The following USP34 variants were observed in gnomAD, a reference collection of about 807,000 sequenced individuals.
The protein encoded by USP34 is ubiquitin carboxyl-terminal hydrolase 34.
Under a neutral mutation model 460.3 loss-of-function variants are expected in USP34, and 70 were observed. That is an observed-to-expected ratio of 0.15 (90% confidence interval 0.13 to 0.19). The LOEUF is 0.19. Ranked by LOEUF, USP34 falls within the 10% of genes least tolerant of loss-of-function variation. USP34 has a pLI of 1.00. For synonymous variants in USP34, 1,647 were observed against 1,405.3 expected (o/e 1.17, Z -3.85); for missense variants, 3,985 against 4,236.2 (o/e 0.94, Z 1.65).
At chr2:61,283,952 G>T (rs1260639595) in intron 35 of USP34, among the ~76,000 whole-genome samples, 1 of 152,218 alleles carries the variant, frequency 6.6e-6, no homozygotes, top group Admixed American at 6.5e-5. Flanking sequence ...GGGTGGGGCA[G>T]AGGGTATAAG....
intron 5 of USP34, among the ~76,000 whole-genome samples, chr2:61,391,896 G>T (rs2103894059): frequency 6.6e-6 from 1 of 152,174 alleles, no homozygotes; most frequent in South Asian, 2.1e-4. Flanking sequence ...TTACTCCATT[G>T]AGTTATTATT....
chr2:61,374,166 A>G (rs1276885154), intron 8 of USP34, among the ~76,000 whole-genome samples: 2 of 151,402 alleles, frequency 1.3e-5, no homozygotes, highest in Non-Finnish European at 1.5e-5. Context: ...AGGGAAAAAA[A>G]AAAAAAAAAA....
intron 33 of USP34, among the ~76,000 whole-genome samples, chr2:61,291,167 G>A (rs1443355059): frequency 6.6e-6 from 1 of 152,084 alleles, no homozygotes; most frequent in Non-Finnish European, 1.5e-5. Flanking sequence ...TTACTCCAAA[G>A]ATAAACAAGT....
intron 32 of USP34, among the ~76,000 whole-genome samples, chr2:61,294,059 CTT>C (rs1447213537): frequency 6.6e-6 from 1 of 151,518 alleles, no homozygotes; most frequent in African/African-American, 2.4e-5. Context: ...AAAATATACA[CTT>C]GAGGCCAGGC....
At chr2:61,275,612 T>C (rs560251607) in intron 41 of USP34, among the ~76,000 whole-genome samples, 3 of 134,048 alleles carry the variant, frequency 2.2e-5, no homozygotes, top group South Asian at 2.4e-4. Flanking sequence ...AAGGAGACCC[T>C]GTCCCTTTTT....
chr2:61,249,584 TAC>T lies in USP34; in HGVS notation c.6222-903_6222-902del, dbSNP rs1270502819. 1.2e-4 allele frequency among the ~76,000 whole-genome samples: 18 copies of T among 152,274 alleles called. No homozygotes were observed. The East Asian group carries it at 3.5e-3, about 29-fold the overall frequency. On this transcript the variant is annotated intron_variant, in intron 48 of 79. Coordinates refer to ENST00000398571, the MANE Select transcript of USP34 (RefSeq NM_014709.4). Reference sequence around the variant, plus strand: ...CTAAATCACATTCTTATTAAAACTATACAGTCAGTCCCTGAGCACTAGGCAGC... The same window carrying T: ...CTAAATCACATTCTTATTAAAACTATAGTCAGTCCCTGAGCACTAGGCAGC...
At chr2:61,470,430 C>T (rs1695918063) in intron 1 of USP34, among the ~76,000 whole-genome samples, 1 of 150,600 alleles carries the variant, frequency 6.6e-6, no homozygotes, top group Non-Finnish European at 1.5e-5. Flanking sequence ...CGAGCCGGAG[C>T]TCCGCGGCGG....
At chr2:61,465,612 G>T (rs771105544) in intron 1 of USP34, among the ~76,000 whole-genome samples, 1 of 152,152 alleles carries the variant, frequency 6.6e-6, no homozygotes, top group Non-Finnish European at 1.5e-5. Context: ...GGAGGCTGAG[G>T]CAGGAGAATG....
Position 61,212,479 on chromosome 2 carries a change from G to A in USP34, c.8683-550C>T, listed in dbSNP as rs78658763. 4.6e-5 allele frequency among the ~76,000 whole-genome samples: 7 copies of A among 152,218 alleles called. No homozygotes were observed. In the East Asian group the frequency reaches 1.4e-3, roughly 29 times the overall value. Reference sequence around the variant, plus strand: ...ACCCTTAAATTAATAGTGTATATGAGGTAAACCTTTGTTCCAACATTTAAA... The same window carrying A: ...ACCCTTAAATTAATAGTGTATATGAAGTAAACCTTTGTTCCAACATTTAAA... On this transcript the variant is annotated intron_variant, in intron 68 of 79. Coordinates refer to ENST00000398571, the MANE Select transcript of USP34 (RefSeq NM_014709.4).
chr2:61,311,977 T>A, intron 25 of USP34, 67 bp from the exon 26 acceptor site: 1 of 1,560,224 alleles, frequency 6.4e-7, no homozygotes, highest in Non-Finnish European at 8.6e-7. Context: ...TTACGCAAAT[T>A]TTTATCATCT....
intron 15 of USP34, among the ~76,000 whole-genome samples, 171 bp from the exon 16 acceptor site, chr2:61,344,200 C>T (rs978283872): frequency 4.6e-5 from 7 of 152,112 alleles, no homozygotes; most frequent in African/African-American, 1.7e-4. Context: ...TTCACACTGT[C>T]AGAATTATTA....
chr2:61,204,428 T>C lies in USP34; in HGVS notation c.9260-48A>G, dbSNP rs1348976043. ...TAAGAATAAATGGAAAAAATAAATC[T>C]CCATGCTTCAGTGTGCAGAACGATT... On this transcript the variant is annotated intron_variant, in intron 73 of 79. Coordinates refer to ENST00000398571, the MANE Select transcript of USP34 (RefSeq NM_014709.4). 10 of 1,613,224 alleles carry C rather than the reference T, an allele frequency of 6.2e-6. 1 individual carries two copies. In the Admixed American group the frequency reaches 1.7e-4, roughly 27 times the overall value.
chr2:61,295,475 TA>T (rs1388621570), intron 30 of USP34, among the ~76,000 whole-genome samples, 185 bp from the exon 31 acceptor site: 6 of 152,188 alleles, frequency 3.9e-5, no homozygotes, highest in African/African-American at 1.4e-4. Context: ...AATTATGCAT[TA>T]AATTTTCTGA....
At chr2:61,266,643 T>C (rs1191624621) in intron 41 of USP34, among the ~76,000 whole-genome samples, 1 of 152,182 alleles carries the variant, frequency 6.6e-6, no homozygotes, top group Non-Finnish European at 1.5e-5. Context: ...GGGTGCTGGG[T>C]TATCTTTTCC....
chr2:61,395,277 T>C (rs781555605), intron 3 of USP34, 44 bp from the exon 4 acceptor site: 2 of 1,143,808 alleles, frequency 1.7e-6, no homozygotes, highest in Non-Finnish European at 2.5e-6. Context: ...TTACAACTAC[T>C]AACCTTTAAA....
intron 3 of USP34, among the ~76,000 whole-genome samples, chr2:61,399,504 G>C (rs1431573451): frequency 6.6e-6 from 1 of 151,712 alleles, no homozygotes; most frequent in Non-Finnish European, 1.5e-5. Context: ...TTTTTAAGTA[G>C]TATATAAAAA....
At position 61,265,414 on chromosome 2, in the gene USP34, C is replaced by T; in HGVS notation, c.5761G>A (p.Ala1921Thr). 2 of 1,610,060 alleles carry T rather than the reference C, an allele frequency of 1.2e-6. No individual in the cohort carries two copies. The highest frequency in any genetic ancestry group is 1.7e-5 in the Admixed American group (1 of 59,312). The change falls in exon 43 of 80, where the codon GCT (alanine) becomes ACT (threonine). Residue 1921 changes from alanine to threonine, a missense_variant. Ala to Thr is a moderately conservative substitution (Grantham distance 58, BLOSUM62 0). Transcript: ENST00000398571. ...AATTCTACCTTGGCAGTGAAGACAG[C>T]CTGTCTTGCCTCAGGTATCATATAA... ...QLYMIPEARQAVFTAKYSEDM... is the reference protein window; with the variant it reads ...QLYMIPEARQTVFTAKYSEDM...
chr2:61,408,381 TCA>T (rs754034338), intron 2 of USP34, among the ~76,000 whole-genome samples: 3 of 152,134 alleles, frequency 2.0e-5, no homozygotes, highest in East Asian at 3.8e-4. Flanking sequence ...AGTATTTTTG[TCA>T]CACAGAAATA....
intron 59 of USP34, among the ~76,000 whole-genome samples, 163 bp downstream of exon 59, chr2:61,229,385 G>T (rs566096202): frequency 6.7e-6 from 1 of 149,354 alleles, no homozygotes; most frequent in Non-Finnish European, 1.5e-5. Context: ...AATTTGGGAG[G>T]CCGAGGCGGG....
Sources: allele counts gnomAD v4.1 joint callset (sites outside exome capture counted in the v4.1 genomes callset), GRCh38; gene constraint gnomAD v4.1.1; transcripts MANE v1.5; gene names NCBI Gene and HGNC (gene_info 2026-07-23, HGNC 2026-07-21).